ERC2: variants seen among roughly 807,000 people sequenced by gnomAD.
The protein encoded by ERC2 is ERC protein 2.
In ERC2, 42 loss-of-function variants were observed where a neutral mutation model predicts 114.8. The observed-to-expected ratio is 0.37, with a 90% CI of 0.29 to 0.47. The LOEUF is 0.47. ERC2 is among the 20% of genes least tolerant of loss of function. ERC2 has a pLI of 0.99. For missense variants in ERC2, 939 were observed against 1,150.7 expected (o/e 0.82, Z 2.66); for synonymous variants, 454 against 425.5 (o/e 1.07, Z -0.82).
intron 10 of ERC2, among the ~76,000 whole-genome samples, chr3:55,994,647 TAAAAAAAA>T (rs10662566): frequency 1.6e-5 from 1 of 61,394 alleles, no homozygotes; most frequent in East Asian, 6.6e-4. Flanking sequence ...ACATACTCCC[TAAAAAAAA>T]AAAAAAAAAA....
At chr3:56,358,237 T>G (rs1327274220) in intron 2 of ERC2, among the ~76,000 whole-genome samples, 2 of 152,256 alleles carry the variant, frequency 1.3e-5, no homozygotes, top group Non-Finnish European at 1.5e-5. Flanking sequence ...CACCGAACAA[T>G]ATTTCTAAAG....
Position 56,204,319 on chromosome 3 carries a change from A to G in ERC2, c.1075-30799T>C, listed in dbSNP as rs796713882. On this transcript the variant is annotated intron_variant, in intron 3 of 17. Coordinates refer to ENST00000288221, the MANE Select transcript of ERC2 (RefSeq NM_015576.3). ...TCTCCCAACATGGTGCGTGGTACACAGTAGGTATTCAAAAAATACTTGTGG... is the reference window on the plus strand; with the variant it reads ...TCTCCCAACATGGTGCGTGGTACACGGTAGGTATTCAAAAAATACTTGTGG... 2.6e-5 allele frequency among the ~76,000 whole-genome samples: 4 copies of G among 152,136 alleles called. No individual in the cohort carries two copies. The South Asian group carries it at 8.3e-4, about 32-fold the overall frequency.
intron 17 of ERC2, among the ~76,000 whole-genome samples, chr3:55,616,597 CACAT>C: frequency 6.7e-6 from 1 of 149,970 alleles, no homozygotes; most frequent in Non-Finnish European, 1.5e-5. Flanking sequence ...ACAAATAAAG[CACAT>C]TTTAATCGTA....
intron 7 of ERC2, among the ~76,000 whole-genome samples, chr3:56,024,319 G>A (rs1056338719): frequency 2.6e-5 from 4 of 152,184 alleles, no homozygotes; most frequent in Non-Finnish European, 4.4e-5. Context: ...ACAGTACAGT[G>A]AGCTCTGTCC....
intron 7 of ERC2, among the ~76,000 whole-genome samples, chr3:56,033,029 ACAG>A (rs538466058): frequency 0.012 from 685 of 55,668 alleles, 8 homozygotes; most frequent in East Asian, 0.022. Context: ...GAAAAAAGAA[ACAG>A]AAAGAAAGAA....
intron 17 of ERC2, among the ~76,000 whole-genome samples, chr3:55,610,060 C>CA (rs1172154104): frequency 0.15 from 7,382 of 48,850 alleles, 262 homozygotes; most frequent in East Asian, 0.22. Context: ...CAAACAAACA[C>CA]AAACAAAAAA....
intron 17 of ERC2, among the ~76,000 whole-genome samples, chr3:55,681,557 A>G (rs993717958): frequency 5.3e-5 from 8 of 152,232 alleles, no homozygotes; most frequent in Admixed American, 5.2e-4. Flanking sequence ...GTATCTCATT[A>G]TTTAAATCCT....
In ERC2 at chr3:56,010,445, T is replaced by TCACC; in HGVS notation, c.1920_1920+3dup. ...ATGTGGTTCATTTGTTTTTCCAGAC[T>TCACC]CACCTCTTTCTCAGTCAGTTCAGCC... On this transcript the variant is annotated splice_donor_region_variant and intron_variant, in intron 9 of 17. Coordinates refer to ENST00000288221, the MANE Select transcript of ERC2 (RefSeq NM_015576.3). 6.2e-7 allele frequency: 1 copy of TCACC among 1,612,308 alleles called. No individual in the cohort carries two copies. Among genetic ancestry groups the TCACC allele is most frequent in the Non-Finnish European group, 8.5e-7 (1 of 1,179,270 alleles).
intron 15 of ERC2, among the ~76,000 whole-genome samples, chr3:55,725,476 G>A (rs989571875): frequency 3.3e-5 from 5 of 152,016 alleles, no homozygotes; most frequent in Non-Finnish European, 7.4e-5. Flanking sequence ...CCTCCAGCAG[G>A]CAAAGGTTTT....
chr3:56,006,351 G>A (rs746449833), intron 10 of ERC2, among the ~76,000 whole-genome samples: 6 of 151,792 alleles, frequency 4.0e-5, no homozygotes, highest in Non-Finnish European at 7.4e-5. Context: ...TCCCCATCCC[G>A]GTGTGTGCTA....
intron 3 of ERC2, among the ~76,000 whole-genome samples, chr3:56,197,664 C>A (rs1238658208): frequency 6.6e-6 from 1 of 152,218 alleles, no homozygotes; most frequent in Admixed American, 6.5e-5. Flanking sequence ...TGTTTTACTC[C>A]ATTCCATTCC....
chr3:56,089,033 T>C (rs1439735832), intron 6 of ERC2, among the ~76,000 whole-genome samples: 1 of 152,184 alleles, frequency 6.6e-6, no homozygotes, highest in Non-Finnish European at 1.5e-5. Flanking sequence ...AGGCGTTATA[T>C]TGTTTGACAT....
chr3:56,406,906 A>G (rs906794144), intron 2 of ERC2, among the ~76,000 whole-genome samples: 2 of 152,220 alleles, frequency 1.3e-5, no homozygotes, highest in Non-Finnish European at 1.5e-5. Context: ...ATCCAGACAG[A>G]CAATAATTCA....
intron 14 of ERC2, among the ~76,000 whole-genome samples, chr3:55,828,778 GA>G (rs59092111): frequency 6.3e-4 from 92 of 145,030 alleles, no homozygotes; most frequent in East Asian, 8.0e-4. Context: ...TGACTGCTAA[GA>G]AAAAAAAAAA....
intron 7 of ERC2, among the ~76,000 whole-genome samples, chr3:56,056,422 A>T (rs935690878): frequency 1.3e-5 from 2 of 152,206 alleles, no homozygotes; most frequent in Non-Finnish European, 2.9e-5. Flanking sequence ...AGAAAGGAAA[A>T]GTTACAACTC....
intron 17 of ERC2, among the ~76,000 whole-genome samples, chr3:55,645,457 T>C (rs945547153): frequency 1.4e-4 from 21 of 152,270 alleles, no homozygotes; most frequent in African/African-American, 5.1e-4. Context: ...TATTGGCTTT[T>C]CTTTTTAATT....
intron 17 of ERC2, among the ~76,000 whole-genome samples, chr3:55,591,693 G>A (rs963464199): frequency 3.9e-5 from 6 of 152,096 alleles, no homozygotes; most frequent in Non-Finnish European, 7.4e-5. Flanking sequence ...TCTTGAGTGG[G>A]TCCCGGGGGT....
At chr3:55,597,187 G>A (rs546006521) in intron 17 of ERC2, among the ~76,000 whole-genome samples, 4 of 152,266 alleles carry the variant, frequency 2.6e-5, no homozygotes, top group South Asian at 2.1e-4. Flanking sequence ...TTGGGAGGCC[G>A]AGGTGGGCGG....
chr3:55,952,217 T>TATATATATATATA (rs71294735), intron 12 of ERC2, among the ~76,000 whole-genome samples: 3 of 134,412 alleles, frequency 2.2e-5, no homozygotes, highest in East Asian at 2.1e-4. Context: ...TATATATATA[T>TATATATATATATA]TCTGAACACT....
Sources: gnomAD v4.1 joint callset for allele counts (sites outside exome capture counted in the v4.1 genomes callset) on GRCh38, gnomAD v4.1.1 for gene constraint, MANE v1.5 for transcripts, NCBI Gene and HGNC (gene_info 2026-07-23, HGNC 2026-07-21) for gene names.